Variants in EVC observed in about 807,000 individuals in gnomAD.
The protein encoded by EVC is EvC ciliary complex subunit 1, also known as evC complex member EVC.
Under a neutral mutation model 118.9 loss-of-function variants are expected in EVC, and 116 were observed. That is an observed-to-expected ratio of 0.98 (90% CI 0.84 to 1.14). The LOEUF (loss-of-function observed/expected upper bound fraction) is 1.14. EVC is among the 50% of genes most tolerant of loss of function. The pLI is 0.00. For synonymous variants in EVC, 619 were observed against 534.7 expected, an observed-to-expected ratio of 1.16 and a Z score of -2.18; for missense variants, 1,401 against 1,246.4, an observed-to-expected ratio of 1.12 and a Z score of -1.87.
At chr4:5,760,108 G>C (rs1731781049) in intron 11 of EVC, among the ~76,000 whole-genome samples, 2 of 152,102 alleles carry the variant, frequency 1.3e-5, no homozygotes, top group Non-Finnish European at 1.5e-5. Flanking sequence ...TCAATGAGCA[G>C]AGAGATAACT....
chr4:5,771,614 T>G (rs1490837099), intron 11 of EVC, among the ~76,000 whole-genome samples: 6 of 152,194 alleles, frequency 3.9e-5, no homozygotes, highest in Admixed American at 3.3e-4. Flanking sequence ...TAAATTTGTT[T>G]ATTGAAGGCC....
chr4:5,748,328 G>C, intron 8 of EVC, 22 bp downstream of exon 8: 2 of 1,613,518 alleles, frequency 1.2e-6, no homozygotes, highest in Non-Finnish European at 1.7e-6. Flanking sequence ...GGGGGCGGGA[G>C]GGAACATAAA....
the EVC span, among the ~76,000 whole-genome samples, chr4:5,820,402 T>C: frequency 3.3e-5 from 5 of 152,268 alleles, no homozygotes; most frequent in African/African-American, 1.2e-4. Flanking sequence ...CGTCCTTTAG[T>C]GTATCTCTAG....
At chr4:5,721,877 A>C (rs1159797557) in intron 2 of EVC, among the ~76,000 whole-genome samples, 1 of 152,168 alleles carries the variant, frequency 6.6e-6, no homozygotes, top group African/African-American at 2.4e-5. Context: ...AAAATAAATA[A>C]ATAAAGTTGA....
intron 1 of EVC, among the ~76,000 whole-genome samples, chr4:5,717,128 T>A (rs1012090370): frequency 1.3e-5 from 2 of 152,200 alleles, no homozygotes; most frequent in Non-Finnish European, 2.9e-5. Context: ...GCTTCCAATC[T>A]TAGTCTTTCT....
At chr4:5,721,419 A>G (rs1385794030) in intron 2 of EVC, among the ~76,000 whole-genome samples, 6 of 152,236 alleles carry the variant, frequency 3.9e-5, no homozygotes, top group African/African-American at 7.2e-5. Context: ...ACCACATGTT[A>G]TAGGATTCCA....
intron 5 of EVC, 65 bp from the exon 6 acceptor site, chr4:5,741,651 A>G (rs1278648830): frequency 1.9e-5 from 18 of 954,552 alleles, no homozygotes; most frequent in Non-Finnish European, 2.9e-5. Context: ...AGAAAACAGA[A>G]AGCAAAAGAC....
chr4:5,783,572 G>A lies in EVC; in HGVS notation c.1584G>A (p.Val528=). The change falls in exon 12 of 21, where the codon GTG becomes GTA. Residue 528 remains valine (V), a synonymous_variant. Transcript: ENST00000264956. ...TCCAGGAGCTGTACTTCAGCACCGT[G>A]GACACTTTCCAGAAGTTCGTGGATG... The part of the protein sequence containing the change: ...ALCQELYFST[V]DTFQKFVDAL... The A allele has an allele frequency of 6.2e-7, 1 of 1,614,126 alleles. No individual in the cohort carries two copies. The highest frequency in any genetic ancestry group is 1.7e-5 in the Admixed American group (1 of 60,016).
intron 11 of EVC, among the ~76,000 whole-genome samples, chr4:5,758,674 C>A (rs1731551147): frequency 1.3e-5 from 2 of 152,150 alleles, no homozygotes; most frequent in Admixed American, 6.5e-5. Context: ...CATAACCTGT[C>A]TGTGCTGGCC....
chr4:5,723,514 G>C (rs563613187), intron 2 of EVC, among the ~76,000 whole-genome samples: 1 of 152,128 alleles, frequency 6.6e-6, no homozygotes. Context: ...TTAGGTTTTT[G>C]TTTTGTATTC....
In EVC at chr4:5,789,932, G is replaced by C. The variant is rs1712441263; in HGVS notation, c.1777-3676G>C. Among the ~76,000 whole-genome samples the C allele has an allele frequency of 6.6e-6, 1 of 152,106 alleles. No homozygotes were observed. Among genetic ancestry groups the C allele is most frequent in the African/African-American group, 2.4e-5 (1 of 41,424 alleles). On this transcript the variant is annotated intron_variant, in intron 12 of 20. Transcript: ENST00000264956. The surrounding 1 kb of genome is among the most constrained non-coding windows in gnomAD (Gnocchi z 4.3). ...ATGGTGGATCACGCCTGTAATCCCA[G>C]CACCTTGGGAGGCCAAGGCAGGTAG...
At chr4:5,788,819 T>C (rs1480305488) in intron 12 of EVC, among the ~76,000 whole-genome samples, 1 of 152,216 alleles carries the variant, frequency 6.6e-6, no homozygotes, top group East Asian at 1.9e-4. Flanking sequence ...TAAGACACGC[T>C]TGTCCAACCC....
chr4:5,810,641 C>T (rs1716762146), intron 20 of EVC, among the ~76,000 whole-genome samples, 191 bp downstream of exon 20: 1 of 152,190 alleles, frequency 6.6e-6, no homozygotes. Flanking sequence ...TGCCACATGG[C>T]TGTTACCCTT....
chr4:5,759,325 T>G (rs962414600), intron 11 of EVC, among the ~76,000 whole-genome samples: 1 of 151,032 alleles, frequency 6.6e-6, no homozygotes, highest in Non-Finnish European at 1.5e-5. Flanking sequence ...TGTTGATGGT[T>G]TGGTCGCCGC....
intron 8 of EVC, among the ~76,000 whole-genome samples, chr4:5,750,583 CCT>C (rs1259205103): frequency 1.3e-5 from 2 of 152,206 alleles, no homozygotes; most frequent in Non-Finnish European, 2.9e-5. Context: ...GATAATTTAA[CCT>C]CTCTGTGATT....
At chr4:5,828,302 T>C in the EVC span, 4 of 984,932 alleles carry the variant, frequency 4.1e-6, no homozygotes, top group Non-Finnish European at 4.8e-6. Context: ...CATGTCCTCA[T>C]TTGATGCTCA....
At position 5,711,530 on chromosome 4, in the gene EVC, G is replaced by C. The variant is rs1257185745; in HGVS notation, c.150G>C (p.Ala50=). Reference sequence around the variant, plus strand: ...TCGGCCTTTGGCTTGGCTGCCGCGCGGGCCGCCAGCGCACGCGACACCAGG... The same window carrying C: ...TCGGCCTTTGGCTTGGCTGCCGCGCCGGCCGCCAGCGCACGCGACACCAGG... ...LGLGLWLGCR[A]GRQRTRHQKD... is the part of the protein sequence containing the mutation. The change falls in exon 1 of 21, where the codon GCG becomes GCC. Residue 50 remains alanine (A), a synonymous_variant. Coordinates refer to ENST00000264956, the MANE Select transcript of EVC (RefSeq NM_153717.3). The C allele has an allele frequency of 2.6e-6, 3 of 1,163,628 alleles. No homozygotes were observed. Among genetic ancestry groups the C allele is most frequent in the Admixed American group, 4.7e-5 (1 of 21,294 alleles). The allele number at this position is 1,163,628 out of a possible 1,614,324, so 72.1% of individuals were successfully genotyped here.
intron 1 of EVC, among the ~76,000 whole-genome samples, chr4:5,717,955 T>A (rs1309813880): frequency 6.6e-6 from 1 of 152,218 alleles, no homozygotes; most frequent in Admixed American, 6.5e-5. Context: ...GTTACTCTAT[T>A]CCCAGTACCT....
intron 11 of EVC, among the ~76,000 whole-genome samples, chr4:5,779,749 A>G (rs1360779189): frequency 1.5e-5 from 2 of 134,020 alleles, no homozygotes; most frequent in African/African-American, 6.0e-5. Flanking sequence ...GGGCTGAGAC[A>G]ATGGGGTTTT....
Sources: allele counts gnomAD v4.1 joint callset (sites outside exome capture counted in the v4.1 genomes callset), GRCh38; gene constraint gnomAD v4.1.1; non-coding constraint Gnocchi (gnomAD v3.1); transcripts MANE v1.5; gene names NCBI Gene and HGNC (gene_info 2026-07-23, HGNC 2026-07-21).